The following CHAT variants were observed in gnomAD, a reference collection of about 807,000 sequenced individuals.
CHAT encodes the protein choline O-acetyltransferase, also known as acetyl CoA:choline O-acetyltransferase.
A neutral mutation model predicts 76.9 loss-of-function variants in CHAT; 61 were observed. The observed-to-expected ratio is 0.79, with a 90% CI of 0.65 to 0.98. The LOEUF (loss-of-function observed/expected upper bound fraction) is 0.98. Ranked by LOEUF, CHAT falls within the 50% of genes least tolerant of loss-of-function variation. The pLI is 0.00. For synonymous variants in CHAT, 407 were observed against 397.4 expected, an observed-to-expected ratio of 1.02 and a Z score of -0.29; for missense variants, 946 against 986.9, an observed-to-expected ratio of 0.96 and a Z score of 0.56.
rs765807337 is a variant in CHAT, at chr10:49,620,639, T to A, written c.698+26T>A. 5 of 1,566,860 alleles carry A rather than the reference T, an allele frequency of 3.2e-6. No individual in the cohort carries two copies. The East Asian group carries it at 1.1e-4, about 35-fold the overall frequency. ...GTGAGGCCTTGGTGCTCCTAGCTCA[T>A]AACCTGGGGACCCACCCAAGGCAGG... On this transcript the variant is annotated intron_variant, in intron 4 of 14. Coordinates refer to ENST00000337653, the MANE Select transcript of CHAT (RefSeq NM_020549.5).
chr10:49,610,983 C>A, upstream of CHAT: 1 of 1,611,984 alleles, frequency 6.2e-7, no homozygotes, highest in Non-Finnish European at 8.5e-7. Context: ...GGGAGCCCAC[C>A]CTGCCGCTGC....
intron 5 of CHAT, among the ~76,000 whole-genome samples, chr10:49,624,262 G>A (rs1483477998): frequency 6.6e-6 from 1 of 152,146 alleles, no homozygotes; most frequent in Non-Finnish European, 1.5e-5. Context: ...TTGATTACTA[G>A]AAAAACGGTA....
At chr10:49,626,011 C>A (rs12259424) in intron 6 of CHAT, among the ~76,000 whole-genome samples, 2,644 of 152,336 alleles carry the variant, frequency 0.017, 76 homozygotes, top group African/African-American at 0.059. Flanking sequence ...TACAGACTGA[C>A]AAATAGGACC....
chr10:49,611,595 C>T (rs551042891), upstream of CHAT: 6 of 1,610,284 alleles, frequency 3.7e-6, no homozygotes, highest in East Asian at 1.3e-4. Flanking sequence ...TCCACCGCCT[C>T]ATGCTAGACC....
Position 49,652,119 on chromosome 10 carries a change from G to C in CHAT, c.1634+113G>C, listed in dbSNP as rs1839899231. Reference sequence around the variant, plus strand: ...GGGACAGCCTTCTGTGGGCCTGGAAGACTGGAGAGGGACTGAGGCTGCATG... The same window carrying C: ...GGGACAGCCTTCTGTGGGCCTGGAACACTGGAGAGGGACTGAGGCTGCATG... On this transcript the variant is annotated intron_variant, in intron 11 of 14. Transcript: ENST00000337653. 14 of 1,409,722 alleles carry C rather than the reference G, an allele frequency of 9.9e-6. No homozygotes were observed. In the South Asian group the frequency reaches 1.5e-4, roughly 16 times the overall value. 87.3% of individuals were successfully genotyped at this position (1,409,722 alleles called of 1,614,324 possible).
rs1838407827 is a variant in CHAT, at chr10:49,614,494, CTGGG to C, written c.286+20_286+23del. ...AGAGCAGGTGAGAAGAAGGGCTGGG[CTGGG>C]CTGGCGGAGCGCGGTGCCGGGAGCA... On this transcript the variant is annotated intron_variant, in intron 1 of 14. Coordinates refer to ENST00000337653, the MANE Select transcript of CHAT (RefSeq NM_020549.5). 4 of 1,459,806 alleles carry C rather than the reference CTGGG, an allele frequency of 2.7e-6. No individual in the cohort carries two copies. Among genetic ancestry groups the C allele is most frequent in the Admixed American group, 2.1e-5 (1 of 48,268 alleles). 90.4% of individuals were successfully genotyped at this position (1,459,806 alleles called of 1,614,324 possible). A position where few individuals can be genotyped will look rare whatever the true frequency, so the allele number is the denominator to read the frequency against.
At chr10:49,612,051 AG>A, upstream of CHAT, 1 of 1,613,598 alleles carries the variant, frequency 6.2e-7, no homozygotes, top group Non-Finnish European at 8.5e-7. Context: ...TCGGGCCCAT[AG>A]TGGCAGGCCA....
At chr10:49,657,076 C>T (rs1840058629) in intron 13 of CHAT, among the ~76,000 whole-genome samples, 1 of 152,160 alleles carries the variant, frequency 6.6e-6, no homozygotes, top group African/African-American at 2.4e-5. Flanking sequence ...GCGACTGACT[C>T]AGCAAACAGT....
intron 2 of CHAT, among the ~76,000 whole-genome samples, chr10:49,617,787 C>A (rs1384188861): frequency 6.6e-6 from 1 of 152,148 alleles, no homozygotes; most frequent in African/African-American, 2.4e-5. Flanking sequence ...GGTTGGGGGC[C>A]CAGACCTGGC....
At chr10:49,609,221 G>A (rs1281546802), upstream of CHAT, 4 of 152,286 alleles carry the variant, frequency 2.6e-5, no homozygotes, top group Non-Finnish European at 5.9e-5. Flanking sequence ...TGGAGCCCCT[G>A]ACGACAGCGA....
intron 13 of CHAT, among the ~76,000 whole-genome samples, chr10:49,659,592 TGGC>T (rs1840130114): frequency 6.6e-6 from 1 of 152,212 alleles, no homozygotes; most frequent in African/African-American, 2.4e-5. Context: ...CCTGGCACAG[TGGC>T]TCATGCCTGT....
chr10:49,658,540 C>T (rs1165299128), intron 13 of CHAT, among the ~76,000 whole-genome samples: 1 of 151,324 alleles, frequency 6.6e-6, no homozygotes, highest in Non-Finnish European at 1.5e-5. Flanking sequence ...CAAACCAAAA[C>T]ACCACCACCA....
At chr10:49,645,933 AGCTCTGCCTCTGAACCAACAGCTTGGGG>A (rs1412854715) in intron 7 of CHAT, among the ~76,000 whole-genome samples, 1 of 152,238 alleles carries the variant, frequency 6.6e-6, no homozygotes, top group East Asian at 1.9e-4. Context: ...TTCTGCCTGC[AGCTCTGCCTCTGAACCAACAGCTTGGGG>A]GCAGGGAGGT....
At chr10:49,616,856 A>G (rs1466387890) in intron 2 of CHAT, among the ~76,000 whole-genome samples, 4 of 152,198 alleles carry the variant, frequency 2.6e-5, no homozygotes, top group Non-Finnish European at 1.5e-5. Flanking sequence ...TGGCCAGGCT[A>G]GGCCCTATCT....
chr10:49,640,349 G>A (rs1489776671), intron 7 of CHAT, among the ~76,000 whole-genome samples: 1 of 152,122 alleles, frequency 6.6e-6, no homozygotes, highest in East Asian at 1.9e-4. Flanking sequence ...TAAGACTTGG[G>A]ATCTTATTTA....
intron 13 of CHAT, among the ~76,000 whole-genome samples, chr10:49,655,787 A>G (rs999513664): frequency 6.6e-6 from 1 of 152,204 alleles, no homozygotes; most frequent in Non-Finnish European, 1.5e-5. Context: ...CAAGCCTGGC[A>G]AGCGATGGGG....
chr10:49,659,437 G>T (rs568619605), intron 13 of CHAT, among the ~76,000 whole-genome samples: 3 of 152,112 alleles, frequency 2.0e-5, no homozygotes, highest in African/African-American at 4.8e-5. Flanking sequence ...AGGGGTGCCC[G>T]CAGGATGACA....
At chr10:49,644,667 G>C (rs1839601301) in intron 7 of CHAT, among the ~76,000 whole-genome samples, 1 of 152,130 alleles carries the variant, frequency 6.6e-6, no homozygotes, top group Admixed American at 6.5e-5. Flanking sequence ...TCCCAGAGTA[G>C]AAGGTCTGCT....
At chr10:49,644,096 C>G (rs141951007) in intron 7 of CHAT, among the ~76,000 whole-genome samples, 10 of 152,286 alleles carry the variant, frequency 6.6e-5, no homozygotes, top group South Asian at 2.1e-4. Flanking sequence ...GTGGAGGCCA[C>G]GTGCTCAGGG....
Sources: gnomAD v4.1 joint callset for allele counts (sites outside exome capture counted in the v4.1 genomes callset) on GRCh38, gnomAD v4.1.1 for gene constraint, MANE v1.5 for transcripts, NCBI Gene and HGNC (gene_info 2026-07-23, HGNC 2026-07-21) for gene names.